The following CNBD2 variants were observed in gnomAD, a reference collection of about 807,000 sequenced individuals.
The protein encoded by CNBD2 is cyclic nucleotide-binding domain-containing protein 2.
In CNBD2, 64 loss-of-function variants were observed where a neutral mutation model predicts 63.7. That is an observed-to-expected ratio of 1.00 (90% CI 0.82 to 1.24). CNBD2 has a LOEUF of 1.24. Ranked by LOEUF, CNBD2 falls within the 50% of genes most tolerant of loss-of-function variation. CNBD2 has a pLI of 0.00. For missense variants in CNBD2, 691 were observed against 713.5 expected (o/e 0.97, Z 0.36); for synonymous variants, 229 against 255.4 (o/e 0.90, Z 0.99).
intron 8 of CNBD2, among the ~76,000 whole-genome samples, chr20:36,001,422 C>G (rs939667331): frequency 1.3e-5 from 2 of 151,388 alleles, no homozygotes; most frequent in Non-Finnish European, 2.9e-5. Context: ...AGGGGCTCCT[C>G]ACTTCCCAGT....
intron 10 of CNBD2, 133 bp downstream of exon 10, chr20:36,011,390 G>GA (rs2057058830): frequency 2.5e-6 from 3 of 1,198,862 alleles, no homozygotes; most frequent in Admixed American, 6.8e-5. Flanking sequence ...GATTTGTAAA[G>GA]ATGTGATAAG....
chr20:35,972,737 T>C lies in CNBD2; in HGVS notation c.160T>C (p.Trp54Arg). The C allele has an allele frequency of 6.2e-7, 1 of 1,614,174 alleles. No individual in the cohort carries two copies. The highest frequency in any genetic ancestry group is 1.6e-4 in the Middle Eastern group (1 of 6,062). ...ATATCAAATCATTGAGACTGCTCAC[T>C]GGAAGCACCCTATCTTCTCCTTCTG... ...REYQIIETAH[W>R]KHPIFSFWDK... Residue 54 changes from tryptophan to arginine, a missense_variant, in exon 2 of 12, where the codon TGG (tryptophan) becomes CGG (arginine). Trp to Arg is a moderately radical substitution (Grantham distance 101). Coordinates refer to ENST00000373973, the MANE Select transcript of CNBD2 (RefSeq NM_001365709.1).
upstream of CNBD2, chr20:35,954,579 C>G (rs1281302481): frequency 2.8e-6 from 4 of 1,443,548 alleles, no homozygotes; most frequent in South Asian, 4.9e-5. Context: ...TCTCGAGTCG[C>G]ATGAGGCGGC....
At chr20:35,998,468 T>G (rs1054365590) in intron 8 of CNBD2, among the ~76,000 whole-genome samples, 3 of 152,226 alleles carry the variant, frequency 2.0e-5, no homozygotes, top group Non-Finnish European at 4.4e-5. Context: ...GAAAAAAACT[T>G]GCTGTTTTGG....
intron 11 of CNBD2, among the ~76,000 whole-genome samples, chr20:36,028,361 A>C (rs759382715): frequency 3.9e-5 from 6 of 152,100 alleles, no homozygotes; most frequent in East Asian, 3.8e-4. Context: ...CGTTGAACTC[A>C]TGCCTTTCTA....
intron 10 of CNBD2, among the ~76,000 whole-genome samples, chr20:36,020,598 A>T (rs1455208541): frequency 6.6e-6 from 1 of 152,182 alleles, no homozygotes; most frequent in Non-Finnish European, 1.5e-5. Flanking sequence ...TTGACCGTGG[A>T]TAGGTAAATT....
chr20:35,987,884 T>TTTA (rs2056690900), intron 7 of CNBD2, among the ~76,000 whole-genome samples: 4 of 138,700 alleles, frequency 2.9e-5, no homozygotes, highest in African/African-American at 8.2e-5. Flanking sequence ...TTATTTATTT[T>TTTA]GAGACAAGAG....
chr20:36,026,046 G>A (rs1358426023), intron 11 of CNBD2, among the ~76,000 whole-genome samples: 3 of 151,918 alleles, frequency 2.0e-5, no homozygotes, highest in African/African-American at 7.3e-5. Flanking sequence ...TTGTGTGTGT[G>A]TGTGAGAGAT....
In CNBD2 at chr20:35,972,749, A is replaced by AT; in HGVS notation, c.173dup (p.Phe59LeufsTer6). 6.2e-7 allele frequency: 1 copy of AT among 1,614,182 alleles called. No individual in the cohort carries two copies. On this transcript the variant is annotated frameshift_variant, in exon 2 of 12. Transcript: ENST00000373973. LOFTEE classifies it high-confidence loss of function. ...TGAGACTGCTCACTGGAAGCACCCTATCTTCTCCTTCTGGGATGTAAGCAG... is the reference window on the plus strand; with the variant it reads ...TGAGACTGCTCACTGGAAGCACCCTATTCTTCTCCTTCTGGGATGTAAGCAG...
At chr20:35,954,721 C>T in exon 1 of CNBD2, 1 of 929,856 alleles carries the variant, frequency 1.1e-6, no homozygotes, top group Non-Finnish European at 1.4e-6. Context: ...CTTCAAGTCC[C>T]GGACCTTATC....
chr20:36,019,014 T>A (rs1379872566), intron 10 of CNBD2, among the ~76,000 whole-genome samples: 1 of 152,184 alleles, frequency 6.6e-6, no homozygotes, highest in Non-Finnish European at 1.5e-5. Context: ...AAAGTGCCAT[T>A]GTGGCTGAGT....
chr20:35,982,361 C>A (rs1210509827), intron 4 of CNBD2, among the ~76,000 whole-genome samples: 1 of 152,158 alleles, frequency 6.6e-6, no homozygotes, highest in Non-Finnish European at 1.5e-5. Flanking sequence ...ATGGTGGGAC[C>A]AGTCGAATTT....
intron 10 of CNBD2, among the ~76,000 whole-genome samples, chr20:36,021,659 C>T (rs2057210038): frequency 1.3e-5 from 2 of 152,148 alleles, no homozygotes; most frequent in Admixed American, 6.5e-5. Flanking sequence ...CTGCCCCTGC[C>T]CCTCCTTGCC....
intron 4 of CNBD2, 152 bp downstream of exon 4, chr20:35,980,774 A>G (rs2056588137): frequency 1.1e-5 from 7 of 662,108 alleles, no homozygotes; most frequent in Non-Finnish European, 1.8e-5. Flanking sequence ...TCCCACTGCT[A>G]TGGTCGCAGC....
At chr20:35,966,892 A>T (rs2056349557), upstream of CNBD2, among the ~76,000 whole-genome samples, 1 of 152,116 alleles carries the variant, frequency 6.6e-6, no homozygotes. Flanking sequence ...TCTGTTCCCC[A>T]CTTCCTACTT....
At chr20:35,991,740 C>G (rs1230283111) in intron 7 of CNBD2, among the ~76,000 whole-genome samples, 2 of 152,184 alleles carry the variant, frequency 1.3e-5, no homozygotes, top group African/African-American at 4.8e-5. Context: ...TGGTACCAAT[C>G]ACCCCATAAA....
At chr20:35,982,266 C>T (rs2056607961) in intron 4 of CNBD2, among the ~76,000 whole-genome samples, 1 of 152,130 alleles carries the variant, frequency 6.6e-6, no homozygotes, top group South Asian at 2.1e-4. Flanking sequence ...GCTCATCAGT[C>T]CTGGCAGAGA....
chr20:35,959,235 A>G (rs1002826552), downstream of CNBD2, among the ~76,000 whole-genome samples: 2 of 152,322 alleles, frequency 1.3e-5, no homozygotes, highest in African/African-American at 4.8e-5. Flanking sequence ...TCATTTTTTT[A>G]AAACCGATGG....
At chr20:35,962,520 A>G (rs2056316764) in intron 2 of CNBD2, among the ~76,000 whole-genome samples, 1 of 151,974 alleles carries the variant, frequency 6.6e-6, no homozygotes, top group African/African-American at 2.4e-5. Context: ...TTGGACTCCC[A>G]AAGTGCTGGG....
Sources: allele counts gnomAD v4.1 joint callset (sites outside exome capture counted in the v4.1 genomes callset), GRCh38; gene constraint gnomAD v4.1.1; transcripts MANE v1.5; gene names NCBI Gene and HGNC (gene_info 2026-07-23, HGNC 2026-07-21).